TRIM35: variants seen among roughly 807,000 people sequenced by gnomAD.
The protein encoded by TRIM35 is E3 ubiquitin-protein ligase TRIM35.
TRIM35 carries 37 observed loss-of-function variants against 49.1 expected under a neutral mutation model. That is an observed-to-expected ratio of 0.75 (90% confidence interval 0.58 to 0.99). The LOEUF is 0.99. TRIM35 is among the 50% of genes least tolerant of loss of function. TRIM35 has a pLI of 0.00. For synonymous variants in TRIM35, 302 were observed against 289.3 expected, an observed-to-expected ratio of 1.04 and a Z score of -0.45; for missense variants, 648 against 702.7, an observed-to-expected ratio of 0.92 and a Z score of 0.88.
intron 3 of TRIM35, among the ~76,000 whole-genome samples, chr8:27,292,576 G>A (rs1490558044): frequency 1.3e-5 from 2 of 152,198 alleles, no homozygotes; most frequent in Non-Finnish European, 2.9e-5. Flanking sequence ...CCATGCATTT[G>A]AAATGTCTAC....
At chr8:27,291,976 G>C (rs1178177051) in intron 3 of TRIM35, among the ~76,000 whole-genome samples, 2 of 152,096 alleles carry the variant, frequency 1.3e-5, no homozygotes, top group Middle Eastern at 3.2e-3. Flanking sequence ...CTTCTTATTA[G>C]GCTCCACCAC....
chr8:27,294,367 C>A, intron 2 of TRIM35, 57 bp from the exon 3 acceptor site: 1 of 1,510,728 alleles, frequency 6.6e-7, no homozygotes, highest in East Asian at 2.3e-5. Flanking sequence ...ATCCATAGCC[C>A]AGCAACTTTC....
At chr8:27,289,624 C>G (rs905987437) in intron 4 of TRIM35, among the ~76,000 whole-genome samples, 2 of 152,240 alleles carry the variant, frequency 1.3e-5, no homozygotes, top group African/African-American at 4.8e-5. Flanking sequence ...TAAGGATGCT[C>G]TAGTCCAACA....
rs182359010 is a variant in TRIM35, at chr8:27,289,151, C to T, written c.904+11G>A. 8 of 1,609,826 alleles carry T rather than the reference C, an allele frequency of 5.0e-6. No homozygotes were observed. The highest frequency in any genetic ancestry group is 1.1e-5 in the South Asian group (1 of 90,890). On this transcript the variant is annotated intron_variant, in intron 5 of 5. Transcript: ENST00000305364. ...CCCATGCTTGGGACACCTGCCGGCA[C>T]CCCCGCTCACCAGATTCCACAGATG...
At chr8:27,303,767 C>T (rs1014648844) in intron 1 of TRIM35, among the ~76,000 whole-genome samples, 1 of 152,188 alleles carries the variant, frequency 6.6e-6, no homozygotes, top group African/African-American at 2.4e-5. Context: ...AATCTCGGCT[C>T]ACTGCAACCT....
rs760964927 is a variant in TRIM35 at position 27,287,511 on chromosome 8, C to A, written c.*39G>T. 4.7e-6 allele frequency: 7 copies of A among 1,500,010 alleles called. No individual in the cohort carries two copies. In the South Asian group the frequency reaches 9.4e-5, roughly 20 times the overall value. The allele number at this position is 1,500,010 out of a possible 1,614,324, so 92.9% of individuals were successfully genotyped here. On this transcript the variant is annotated 3_prime_UTR_variant, in exon 6 of 6. Coordinates refer to ENST00000305364, the MANE Select transcript of TRIM35 (RefSeq NM_171982.5). The surrounding 1 kb of genome is among the most constrained non-coding windows in gnomAD (Gnocchi z 6.0). ...CATTAGGAAGAGGGCAGAAAGAAAA[C>A]AGTGCTGTGGCACAAGACCGGGGCA...
At chr8:27,298,609 T>A in intron 1 of TRIM35, 50 bp from the exon 2 acceptor site, 1 of 1,510,442 alleles carries the variant, frequency 6.6e-7, no homozygotes, top group Non-Finnish European at 9.2e-7. Context: ...GGCTGGAGGC[T>A]GGGCAGAGAG....
chr8:27,299,700 C>T (rs967291240), intron 1 of TRIM35, among the ~76,000 whole-genome samples: 10 of 152,154 alleles, frequency 6.6e-5, no homozygotes, highest in South Asian at 2.1e-4. Flanking sequence ...ACAGATGTGT[C>T]GCCCAAAGCC....
At chr8:27,292,527 G>A (rs920825941) in intron 3 of TRIM35, among the ~76,000 whole-genome samples, 1 of 152,232 alleles carries the variant, frequency 6.6e-6, no homozygotes, top group Admixed American at 6.5e-5. Context: ...TATGCTGACT[G>A]AAAGAAGGCA....
At chr8:27,301,349 G>A (rs537908672) in intron 1 of TRIM35, among the ~76,000 whole-genome samples, 18 of 152,296 alleles carry the variant, frequency 1.2e-4, no homozygotes, top group South Asian at 8.3e-4. Flanking sequence ...ATGGGAACTC[G>A]TTTCTTCATA....
intron 4 of TRIM35, 36 bp downstream of exon 4, chr8:27,290,120 C>G: frequency 1.2e-6 from 2 of 1,613,730 alleles, no homozygotes; most frequent in Non-Finnish European, 1.7e-6. Flanking sequence ...TTTCTGCCCA[C>G]TCTTCCCCTC....
rs773870762 is a variant in TRIM35 at position 27,289,226 on chromosome 8, G to C, written c.840C>G (p.Val280=). ...ACTGCAGGGAGCCCAGGTACTTGCA[G>C]ACATCGATAAGCATGCCGGGCTGGA... ...EPVQPGMLID[V]CKYLGSLQYR... Residue 280 remains valine, a synonymous_variant, in exon 5 of 6, where the codon GTC becomes GTG. Transcript: ENST00000305364. 6 of 1,614,082 alleles carry C rather than the reference G, an allele frequency of 3.7e-6. No homozygotes were observed. The African/African-American group carries it at 4.0e-5, about 11-fold the overall frequency.
rs535700711 is a variant in TRIM35, at chr8:27,305,410, C to T, written c.435+5391G>A. 2.6e-4 allele frequency among the ~76,000 whole-genome samples: 39 copies of T among 152,296 alleles called. No homozygotes were observed. The South Asian group carries it at 8.1e-3, about 32-fold the overall frequency. Reference sequence around the variant, plus strand: ...TCAGTGTGCAGGGTCTAGTGAGACACCCCCCACTCCCAATACCACTGGGCA... The same window carrying T: ...TCAGTGTGCAGGGTCTAGTGAGACATCCCCCACTCCCAATACCACTGGGCA... On this transcript the variant is annotated intron_variant, in intron 1 of 5. Transcript: ENST00000305364.
Position 27,303,977 on chromosome 8 carries a change from A to G in TRIM35, c.436-5418T>C, listed in dbSNP as rs532999979. ...CCAAAATGCTGGGATTACAGGCATG[A>G]GCCACCGCGTCCAGCCTACGTTAAA... On this transcript the variant is annotated intron_variant, in intron 1 of 5. Coordinates refer to ENST00000305364, the MANE Select transcript of TRIM35 (RefSeq NM_171982.5). Among the ~76,000 whole-genome samples the G allele has an allele frequency of 1.4e-4, 22 of 152,352 alleles. No homozygotes were observed. The East Asian group carries it at 1.9e-3, about 13-fold the overall frequency.
chr8:27,286,569 G>A lies in TRIM35; in HGVS notation c.*981C>T, dbSNP rs28517329. The A allele has an allele frequency of 0.025, 5,145 of 202,688 alleles. 281 individuals are homozygous for A. Among genetic ancestry groups the A allele is most frequent in the African/African-American group, 0.11 (4,650 of 42,722 alleles). The allele number at this position is 202,688 out of a possible 1,614,324, so 12.6% of individuals were successfully genotyped here. On this transcript the variant is annotated 3_prime_UTR_variant, in exon 6 of 6. Transcript: ENST00000305364. Reference sequence around the variant, plus strand: ...AACAGGCCTGGCAAGGAAATAGGCCGAAATCACGATTTAAAAAATGTTGTG... The same window carrying A: ...AACAGGCCTGGCAAGGAAATAGGCCAAAATCACGATTTAAAAAATGTTGTG...
intron 1 of TRIM35, among the ~76,000 whole-genome samples, chr8:27,306,675 C>T (rs903103017): frequency 6.6e-6 from 1 of 152,172 alleles, no homozygotes; most frequent in African/African-American, 2.4e-5. Context: ...TGACTTTCAT[C>T]GTCTTGTCCT....
rs1435694828 is a variant in TRIM35, at chr8:27,287,878, G to A, written c.1154C>T (p.Ser385Leu). 6.2e-7 allele frequency: 1 copy of A among 1,613,092 alleles called. No individual in the cohort carries two copies. The highest frequency in any genetic ancestry group is 8.5e-7 in the Non-Finnish European group (1 of 1,179,860). ...GCGTGTGTCGTGGTAGCAGCTGTGT[G>A]AGTGGCCCTCAGCGCCCGAGTCCTG... is the stretch of plus-strand genomic sequence containing the variant. The part of the protein sequence containing the change: ...VRQDSGAEGH[S>L]HSCYHDTRSG... Residue 385 changes from serine to leucine, a missense_variant, in exon 6 of 6, where the codon TCA becomes TTA. Transcript: ENST00000305364. The surrounding 1 kb of genome is among the most constrained non-coding windows in gnomAD (Gnocchi z 6.0).
At position 27,294,100 on chromosome 8, in the gene TRIM35, C is replaced by T; in HGVS notation, c.742G>A (p.Asp248Asn). The T allele has an allele frequency of 6.2e-7, 1 of 1,614,076 alleles. No homozygotes were observed. The highest frequency in any genetic ancestry group is 8.5e-7 in the Non-Finnish European group (1 of 1,180,000). Residue 248 changes from aspartate (D) to asparagine (N), a missense_variant, in exon 3 of 6, where the codon GAC (aspartate) becomes AAC (asparagine). Coordinates refer to ENST00000305364, the MANE Select transcript of TRIM35 (RefSeq NM_171982.5). ...IERLQMEMKE[D>N]DVSFLMKHKS... ...CTTACCATGAGAAAAGAAACGTCGT[C>T]CTCCTTCATCTCCATCTGCAGCCGC...
In TRIM35 at chr8:27,288,013, G is replaced by C. The variant is rs963095336; in HGVS notation, c.1019C>G (p.Ser340Cys). The change falls in exon 6 of 6, where the codon TCC becomes TGC. Residue 340 changes from serine to cysteine, a missense_variant. Physicochemically the swap from Ser to Cys is moderately radical, Grantham distance 112. Coordinates refer to ENST00000305364, the MANE Select transcript of TRIM35 (RefSeq NM_171982.5). ...GGAGCCCAGCAGGCAGGGCGCCGAG[G>C]AGAAGCGTTCCGGGTTCTCCACCTG... The part of the protein sequence containing the change: ...RVQVENPERF[S>C]SAPCLLGSRV... The C allele has an allele frequency of 4.3e-6, 7 of 1,613,568 alleles. No homozygotes were observed. The African/African-American group carries it at 9.3e-5, about 22-fold the overall frequency.
Sources: gnomAD v4.1 joint callset for allele counts (sites outside exome capture counted in the v4.1 genomes callset) on GRCh38, gnomAD v4.1.1 for gene constraint, Gnocchi (gnomAD v3.1) non-coding constraint, MANE v1.5 for transcripts, NCBI Gene and HGNC (gene_info 2026-07-23, HGNC 2026-07-21) for gene names.